The following CCSER1 variants were observed in gnomAD, a reference collection of about 807,000 sequenced individuals.
The protein encoded by CCSER1 is serine-rich coiled-coil domain-containing protein 1.
In CCSER1, 41 loss-of-function variants were observed where a neutral mutation model predicts 82.0. The observed-to-expected ratio is 0.50, with a 90% confidence interval of 0.39 to 0.65. The LOEUF is 0.65. Among genes scored for constraint, CCSER1 ranks in the 30% least tolerant of loss-of-function variants. CCSER1 has a pLI of 0.00. For synonymous variants in CCSER1, 414 were observed against 383.9 expected, an observed-to-expected ratio of 1.08 and a Z score of -0.92; for missense variants, 1,119 against 1,064.2, an observed-to-expected ratio of 1.05 and a Z score of -0.72.
At chr4:90,575,339 G>T (rs1027505601) in intron 5 of CCSER1, among the ~76,000 whole-genome samples, 1 of 152,136 alleles carries the variant, frequency 6.6e-6, no homozygotes, top group Non-Finnish European at 1.5e-5. Context: ...GTGTGAGGGC[G>T]AGAGTAAGAG....
Position 90,250,609 on chromosome 4 carries a change from C to T in CCSER1, c.-41-57635C>T, listed in dbSNP as rs560886384. On this transcript the variant is annotated intron_variant, in intron 1 of 10. Transcript: ENST00000509176. The stretch of plus-strand genomic sequence containing the variant: ...TGCCAGTATCACAGTGTCATGATTA[C>T]TGTAGTTTGGTAGTAAGTTTTGAAA... Among the ~76,000 whole-genome samples the T allele has an allele frequency of 9.9e-5, 15 of 152,186 alleles. No homozygotes were observed. In the South Asian group the frequency reaches 3.1e-3, roughly 32 times the overall value.
chr4:90,177,858 A>G (rs1233643317), intron 1 of CCSER1, among the ~76,000 whole-genome samples: 1 of 152,112 alleles, frequency 6.6e-6, no homozygotes, highest in East Asian at 1.9e-4. Flanking sequence ...CTTTATTTAC[A>G]TGTTCAGAGT....
intron 10 of CCSER1, among the ~76,000 whole-genome samples, chr4:91,466,167 G>A (rs1037090590): frequency 1.3e-5 from 2 of 152,130 alleles, no homozygotes; most frequent in African/African-American, 4.8e-5. Flanking sequence ...GATCAAATGG[G>A]CTTCATCCCT....
intron 10 of CCSER1, among the ~76,000 whole-genome samples, chr4:91,215,307 T>G (rs1737154310): frequency 6.6e-6 from 1 of 152,152 alleles, no homozygotes. Flanking sequence ...ATTGATAAAG[T>G]ACATATGCCT....
At chr4:90,233,363 T>A (rs1158388722) in intron 1 of CCSER1, among the ~76,000 whole-genome samples, 1 of 152,008 alleles carries the variant, frequency 6.6e-6, no homozygotes, top group East Asian at 1.9e-4. Context: ...CTCAGTAAAC[T>A]ATCACAAGAA....
At chr4:91,280,450 C>G (rs1474848042) in intron 10 of CCSER1, among the ~76,000 whole-genome samples, 1 of 152,080 alleles carries the variant, frequency 6.6e-6, no homozygotes, top group Non-Finnish European at 1.5e-5. Context: ...CAGGTGGGTG[C>G]CAGCTGTGAT....
At chr4:90,483,610 T>G (rs980885893) in intron 5 of CCSER1, among the ~76,000 whole-genome samples, 3 of 152,178 alleles carry the variant, frequency 2.0e-5, no homozygotes, top group Non-Finnish European at 4.4e-5. Context: ...TGTAAAGTAT[T>G]TTATTTCTCC....
At chr4:90,253,100 C>T (rs754177874) in intron 1 of CCSER1, among the ~76,000 whole-genome samples, 1 of 151,892 alleles carries the variant, frequency 6.6e-6, no homozygotes, top group Non-Finnish European at 1.5e-5. Context: ...GTCATTTTTT[C>T]TCCACTACAG....
At position 91,267,258 on chromosome 4, in the gene CCSER1, A is replaced by G. The variant is rs1389824019; in HGVS notation, c.2217+181264A>G. Among the ~76,000 whole-genome samples, 3 of 152,074 alleles carry G rather than the reference A, an allele frequency of 2.0e-5. No homozygotes were observed. The East Asian group carries it at 5.8e-4, about 29-fold the overall frequency. On this transcript the variant is annotated intron_variant, in intron 10 of 10. Coordinates refer to ENST00000509176, the MANE Select transcript of CCSER1 (RefSeq NM_001145065.2). ...CAGGTGTGTGTTTTAGAATGATTCA[A>G]TTCATCTCTTAGTTCTTTGTTTTTT...
chr4:91,171,145 A>G (rs1253082350), intron 10 of CCSER1, among the ~76,000 whole-genome samples: 1 of 152,194 alleles, frequency 6.6e-6, no homozygotes, highest in African/African-American at 2.4e-5. Context: ...ACATTATCAC[A>G]TTCAAAACAG....
chr4:91,118,166 T>A (rs1012787637), intron 10 of CCSER1, among the ~76,000 whole-genome samples: 6 of 152,128 alleles, frequency 3.9e-5, no homozygotes, highest in Admixed American at 1.3e-4. Flanking sequence ...TTATGTAAAA[T>A]GAGTGCTCTA....
intron 10 of CCSER1, among the ~76,000 whole-genome samples, chr4:91,355,827 T>C (rs1360097162): frequency 6.6e-6 from 1 of 152,110 alleles, no homozygotes; most frequent in Non-Finnish European, 1.5e-5. Flanking sequence ...GTCTCAGAGG[T>C]TGGGCCTACT....
chr4:91,572,500 C>T (rs1365231599), intron 10 of CCSER1, among the ~76,000 whole-genome samples: 2 of 152,140 alleles, frequency 1.3e-5, no homozygotes, highest in Non-Finnish European at 2.9e-5. Flanking sequence ...AAGGCTGGAA[C>T]AGTGATGTCA....
intron 10 of CCSER1, among the ~76,000 whole-genome samples, chr4:91,154,336 T>G (rs1476905139): frequency 6.6e-6 from 1 of 152,108 alleles, no homozygotes; most frequent in Non-Finnish European, 1.5e-5. Flanking sequence ...TCTCCTGGTA[T>G]GCCATTTGCT....
intron 1 of CCSER1, among the ~76,000 whole-genome samples, chr4:90,159,675 G>A (rs572133707): frequency 4.0e-4 from 61 of 152,226 alleles, no homozygotes; most frequent in Middle Eastern, 3.4e-3. Context: ...AGAATGTAGT[G>A]ACCTACTCTA....
intron 1 of CCSER1, among the ~76,000 whole-genome samples, chr4:90,254,025 T>C (rs1722834376): frequency 6.6e-6 from 1 of 152,202 alleles, no homozygotes. Flanking sequence ...TTGAGACTTA[T>C]TCCTACCCTG....
chr4:91,421,947 G>A (rs1334346728), intron 10 of CCSER1, among the ~76,000 whole-genome samples: 1 of 152,040 alleles, frequency 6.6e-6, no homozygotes, highest in Non-Finnish European at 1.5e-5. Context: ...AAGAAATGCA[G>A]GCAAGCTTTA....
At chr4:90,446,921 T>G (rs1250060534) in intron 4 of CCSER1, among the ~76,000 whole-genome samples, 1 of 152,168 alleles carries the variant, frequency 6.6e-6, no homozygotes, top group Non-Finnish European at 1.5e-5. Context: ...TTCCTTATGA[T>G]TTTCTTCTTA....
At chr4:90,635,445 A>G (rs1478005729) in intron 6 of CCSER1, among the ~76,000 whole-genome samples, 1 of 151,676 alleles carries the variant, frequency 6.6e-6, no homozygotes, top group Non-Finnish European at 1.5e-5. Flanking sequence ...AAATTAAATT[A>G]CAAACTTCTA....
Sources: gnomAD v4.1 joint callset for allele counts (sites outside exome capture counted in the v4.1 genomes callset) on GRCh38, gnomAD v4.1.1 for gene constraint, MANE v1.5 for transcripts, NCBI Gene and HGNC (gene_info 2026-07-23, HGNC 2026-07-21) for gene names.